Variants in GNG2 observed in about 807,000 individuals in gnomAD.
GNG2 encodes G protein subunit gamma 2.
In GNG2, 5 loss-of-function variants were observed where a neutral mutation model predicts 5.5. That is an observed-to-expected ratio of 0.91 (90% CI 0.48 to 1.92). GNG2 has a LOEUF of 1.92. Among genes scored for constraint, GNG2 ranks in the 30% most tolerant of loss-of-function variants. The pLI is 0.01. For missense variants in GNG2, 55 were observed against 88.4 expected (o/e 0.62, Z 1.52); for synonymous variants, 28 against 32.0 (o/e 0.88, Z 0.42).
At chr14:51,942,589 C>CTTTCTTTCTTTCTTTCTTTCTTTTT (rs761049973) in intron 2 of GNG2, among the ~76,000 whole-genome samples, 1 of 81,144 alleles carries the variant, frequency 1.2e-5, no homozygotes, top group African/African-American at 5.9e-5. Context: ...TTCTTTCTTT[C>CTTTCTTTCTTTCTTTCTTTCTTTTT]TTTTTTTTTT....
At chr14:51,914,816 A>G (rs1334442285) in intron 2 of GNG2, among the ~76,000 whole-genome samples, 1 of 152,144 alleles carries the variant, frequency 6.6e-6, no homozygotes, top group African/African-American at 2.4e-5. Context: ...CTGGTCTTTG[A>G]TGCTGACGAG....
At chr14:51,852,510 G>T (rs1881954541) in intron 2 of GNG2, among the ~76,000 whole-genome samples, 1 of 152,248 alleles carries the variant, frequency 6.6e-6, no homozygotes, top group South Asian at 2.1e-4. Context: ...TGTGATAAGA[G>T]CTATAACCAG....
At chr14:51,843,425 CG>C (rs1881539152) in intron 2 of GNG2, among the ~76,000 whole-genome samples, 1 of 151,994 alleles carries the variant, frequency 6.6e-6, no homozygotes, top group Non-Finnish European at 1.5e-5. Context: ...TGGGGCCTGT[CG>C]GGGGTGAGGG....
At chr14:51,901,827 G>T (rs956071532) in intron 2 of GNG2, among the ~76,000 whole-genome samples, 2 of 152,054 alleles carry the variant, frequency 1.3e-5, no homozygotes, top group African/African-American at 4.8e-5. Flanking sequence ...ACCCAGTAGT[G>T]CAGAGCCTGC....
At position 51,895,893 on chromosome 14, in the gene GNG2, CTT is replaced by C. The variant is rs368028357; in HGVS notation, c.-30+18238_-30+18239del. 2.1e-4 allele frequency among the ~76,000 whole-genome samples: 32 copies of C among 152,324 alleles called. No homozygotes were observed. In the East Asian group the frequency reaches 3.5e-3, roughly 17 times the overall value. ...ATGGGAGTTGTCCTGCACATGCTCT[CTT>C]TGCCTGCTGCCATCCACGTAAGACG... On this transcript the variant is annotated intron_variant, in intron 2 of 3. Transcript: ENST00000556766.
chr14:51,871,029 C>T (rs1260963888), intron 1 of GNG2, among the ~76,000 whole-genome samples: 3 of 152,134 alleles, frequency 2.0e-5, no homozygotes, highest in African/African-American at 7.2e-5. Context: ...CAACAGAGCT[C>T]TGTTTAAGGA....
intron 2 of GNG2, among the ~76,000 whole-genome samples, chr14:51,904,708 A>T (rs1291574875): frequency 6.6e-6 from 1 of 152,226 alleles, no homozygotes; most frequent in Non-Finnish European, 1.5e-5. Context: ...TCATGCTCCA[A>T]AAACAAGCGC....
At chr14:51,928,617 A>C (rs1887480207) in intron 2 of GNG2, among the ~76,000 whole-genome samples, 1 of 152,220 alleles carries the variant, frequency 6.6e-6, no homozygotes, top group South Asian at 2.1e-4. Flanking sequence ...ATCCTAAAAA[A>C]ACACTGTAAT....
chr14:51,842,451 T>C (rs969141080), intron 2 of GNG2, among the ~76,000 whole-genome samples: 1 of 152,204 alleles, frequency 6.6e-6, no homozygotes, highest in Admixed American at 6.5e-5. Flanking sequence ...GAATTTCTTT[T>C]GCAGCAGCCG....
intron 2 of GNG2, among the ~76,000 whole-genome samples, chr14:51,914,671 A>G (rs1330198410): frequency 1.3e-5 from 2 of 152,234 alleles, no homozygotes; most frequent in African/African-American, 4.8e-5. Flanking sequence ...TGGATCTGGT[A>G]GATCCGGTAA....
chr14:51,891,212 A>C (rs1458425584), intron 2 of GNG2, among the ~76,000 whole-genome samples: 1 of 152,188 alleles, frequency 6.6e-6, no homozygotes, highest in African/African-American at 2.4e-5. Context: ...TGTCTTTAAT[A>C]AATCTGTGTC....
In GNG2 at chr14:51,885,712, C is replaced by G. The variant is rs1445096559; in HGVS notation, c.-30+8055C>G. The stretch of plus-strand genomic sequence containing the variant: ...ACAGATTCATGTTAAATATTAATAA[C>G]ATTTTGGCTTCATTAAAGAAAAATC... On this transcript the variant is annotated intron_variant, in intron 2 of 3. Coordinates refer to ENST00000556766, the MANE Select transcript of GNG2 (RefSeq NM_053064.5). 2.0e-5 allele frequency among the ~76,000 whole-genome samples: 3 copies of G among 152,042 alleles called. No homozygotes were observed. The East Asian group carries it at 5.8e-4, about 29-fold the overall frequency.
At chr14:51,923,555 A>G (rs1215857995) in intron 2 of GNG2, among the ~76,000 whole-genome samples, 1 of 92,926 alleles carries the variant, frequency 1.1e-5, no homozygotes, top group African/African-American at 3.5e-5. Context: ...ACATATATAT[A>G]CAAACACACA....
At chr14:51,904,964 C>A (rs1885816655) in intron 2 of GNG2, among the ~76,000 whole-genome samples, 1 of 152,202 alleles carries the variant, frequency 6.6e-6, no homozygotes, top group Non-Finnish European at 1.5e-5. Flanking sequence ...TCTGACAGAT[C>A]TTGACAGATA....
chr14:51,856,457 G>C (rs931773492), upstream of GNG2, among the ~76,000 whole-genome samples: 2 of 152,092 alleles, frequency 1.3e-5, no homozygotes, highest in Non-Finnish European at 2.9e-5. Context: ...TGTTCGAGAC[G>C]GAGTCTTGCT....
chr14:51,944,789 G>T (rs1273230938), intron 2 of GNG2, among the ~76,000 whole-genome samples: 1 of 152,156 alleles, frequency 6.6e-6, no homozygotes, highest in Admixed American at 6.5e-5. Context: ...AGACAAATTG[G>T]ACTCCATAAA....
chr14:51,923,404 T>C (rs1014846335), intron 2 of GNG2, among the ~76,000 whole-genome samples: 18 of 152,056 alleles, frequency 1.2e-4, no homozygotes, highest in African/African-American at 4.1e-4. Flanking sequence ...AACTGTGAAA[T>C]TGGATGGTTA....
chr14:51,859,039 G>C (rs1218535814), upstream of GNG2, among the ~76,000 whole-genome samples: 1 of 152,164 alleles, frequency 6.6e-6, no homozygotes, highest in Non-Finnish European at 1.5e-5. Context: ...CGATGTGTTT[G>C]GAAGGCTCAA....
At chr14:51,947,651 C>G (rs1267816528) in intron 2 of GNG2, among the ~76,000 whole-genome samples, 2 of 152,114 alleles carry the variant, frequency 1.3e-5, no homozygotes, top group Non-Finnish European at 2.9e-5. Flanking sequence ...CTAATGCTCT[C>G]CAGAATTATA....
Sources: allele counts gnomAD v4.1 joint callset (sites outside exome capture counted in the v4.1 genomes callset), GRCh38; gene constraint gnomAD v4.1.1; transcripts MANE v1.5; gene names NCBI Gene and HGNC (gene_info 2026-07-23, HGNC 2026-07-21).